The following GRIK3 variants were observed in gnomAD, a reference collection of about 807,000 sequenced individuals.
GRIK3 encodes glutamate receptor ionotropic, kainate 3.
A neutral mutation model predicts 102.5 loss-of-function variants in GRIK3; 29 were observed. The observed-to-expected ratio is 0.28, with a 90% CI of 0.21 to 0.39. The LOEUF (loss-of-function observed/expected upper bound fraction) is 0.39, where lower values mean the gene tolerates loss of function less well. GRIK3 is among the 10% of genes least tolerant of loss of function. The pLI is 1.00. For synonymous variants in GRIK3, 511 were observed against 504.9 expected, an observed-to-expected ratio of 1.01 and a Z score of -0.16; for missense variants, 908 against 1,252.4, an observed-to-expected ratio of 0.73 and a Z score of 4.15.
intron 7 of GRIK3, among the ~76,000 whole-genome samples, chr1:36,854,735 T>C (rs1313192246): frequency 6.6e-6 from 1 of 152,206 alleles, no homozygotes; most frequent in African/African-American, 2.4e-5. Flanking sequence ...CTAACTTGAT[T>C]CTAGATAACA....
At chr1:36,887,146 T>A (rs1349503556) in intron 2 of GRIK3, among the ~76,000 whole-genome samples, 1 of 151,994 alleles carries the variant, frequency 6.6e-6, no homozygotes, top group Admixed American at 6.6e-5. Context: ...ATAGAAAAAA[T>A]AAGCCCAAAC....
At chr1:37,028,103 A>T (rs1458928039) in intron 1 of GRIK3, among the ~76,000 whole-genome samples, 1 of 152,218 alleles carries the variant, frequency 6.6e-6, no homozygotes, top group Non-Finnish European at 1.5e-5. Flanking sequence ...AACAGGACTA[A>T]GGAAGGAAAA....
At chr1:36,988,430 C>T (rs143312933) in intron 1 of GRIK3, among the ~76,000 whole-genome samples, 2 of 152,264 alleles carry the variant, frequency 1.3e-5, no homozygotes, top group Non-Finnish European at 2.9e-5. Context: ...CAGGAAGAAG[C>T]ATCTGCAGGC....
intron 13 of GRIK3, among the ~76,000 whole-genome samples, chr1:36,813,464 C>T (rs1309258145): frequency 3.3e-5 from 5 of 152,318 alleles, no homozygotes; most frequent in South Asian, 2.1e-4. Context: ...GGAAGACCAC[C>T]TCTCTAGGAG....
rs781178008 is a variant in GRIK3, at chr1:36,825,775, C to T, written c.1582G>A (p.Ala528Thr). 2.5e-6 allele frequency: 4 copies of T among 1,613,730 alleles called. No individual in the cohort carries two copies. In the South Asian group the frequency reaches 4.4e-5, roughly 18 times the overall value. ...ATGAAGGGCTTGGAGAAGTCGATGG[C>T]CTTCTCTCGAACATGGGTGATGGTC... The part of the protein sequence containing the change: ...PLTITHVREK[A>T]IDFSKPFMTL... Residue 528 changes from alanine to threonine, a missense_variant, in exon 11 of 16, where the codon GCC (alanine) becomes ACC (threonine). Transcript: ENST00000373091.
intron 1 of GRIK3, among the ~76,000 whole-genome samples, chr1:36,956,452 A>T (rs2124340175): frequency 6.6e-6 from 1 of 152,312 alleles, no homozygotes; most frequent in South Asian, 2.1e-4. Flanking sequence ...CCGCATGCCC[A>T]CCGGAGAGGG....
At chr1:36,991,421 A>G (rs1557454833) in intron 1 of GRIK3, among the ~76,000 whole-genome samples, 1 of 152,222 alleles carries the variant, frequency 6.6e-6, no homozygotes, top group Non-Finnish European at 1.5e-5. Context: ...ACCACAGAGT[A>G]GGCCAACAGC....
At chr1:36,922,195 A>G (rs1641480482) in intron 1 of GRIK3, among the ~76,000 whole-genome samples, 2 of 152,328 alleles carry the variant, frequency 1.3e-5, no homozygotes, top group South Asian at 2.1e-4. Flanking sequence ...GTGGGTGGAC[A>G]TCAGTCCCAG....
intron 9 of GRIK3, among the ~76,000 whole-genome samples, chr1:36,845,939 C>A (rs1414578283): frequency 6.6e-6 from 1 of 152,182 alleles, no homozygotes; most frequent in Non-Finnish European, 1.5e-5. Flanking sequence ...GTGCACACGG[C>A]ACAAATGCAC....
intron 4 of GRIK3, 115 bp from the exon 5 acceptor site, chr1:36,869,916 G>A (rs1640824305): frequency 2.7e-6 from 2 of 737,512 alleles, no homozygotes; most frequent in Non-Finnish European, 4.9e-6. Flanking sequence ...CTGGCTGCTT[G>A]GAGTAAGGTG....
chr1:37,010,751 T>TTG (rs1642586598), intron 1 of GRIK3, among the ~76,000 whole-genome samples: 2 of 114,646 alleles, frequency 1.7e-5, no homozygotes, highest in Non-Finnish European at 3.5e-5. Flanking sequence ...TTTTTTTTTT[T>TTG]TGAGATGGAG....
chr1:36,892,033 T>C (rs1641122836), intron 1 of GRIK3, among the ~76,000 whole-genome samples: 1 of 152,212 alleles, frequency 6.6e-6, no homozygotes, highest in Non-Finnish European at 1.5e-5. Flanking sequence ...TATTTATTCA[T>C]TTGAGATGGA....
intron 1 of GRIK3, among the ~76,000 whole-genome samples, chr1:36,968,500 A>G (rs963380644): frequency 1.3e-5 from 2 of 152,092 alleles, no homozygotes; most frequent in Non-Finnish European, 2.9e-5. Context: ...GGAATGTTTT[A>G]ACCTCTTTCC....
rs145311608 is a variant in GRIK3, at chr1:36,983,969, G to T, written c.115+50025C>A. On this transcript the variant is annotated intron_variant, in intron 1 of 15. Coordinates refer to ENST00000373091, the MANE Select transcript of GRIK3 (RefSeq NM_000831.4). ...GGATGCCGCCCATAGTACCCAGCAG[G>T]GTGACTTTGACACAGAGCAGCACCC... Among the ~76,000 whole-genome samples the T allele has an allele frequency of 2.9e-3, 445 of 152,204 alleles. 10 individuals carry two copies. The East Asian group carries it at 0.037, about 13-fold the overall frequency.
intron 3 of GRIK3, among the ~76,000 whole-genome samples, chr1:36,878,163 G>T (rs988133010): frequency 6.6e-6 from 1 of 152,226 alleles, no homozygotes; most frequent in Non-Finnish European, 1.5e-5. Flanking sequence ...GACACTGAAA[G>T]CTCCTGGCCT....
intron 1 of GRIK3, among the ~76,000 whole-genome samples, chr1:36,917,414 G>A (rs557002386): frequency 6.6e-6 from 1 of 152,304 alleles, no homozygotes; most frequent in East Asian, 1.9e-4. Context: ...TGAAATGTGA[G>A]GACATGAGAT....
chr1:36,914,932 T>A (rs1356789676), intron 1 of GRIK3, among the ~76,000 whole-genome samples: 3 of 152,238 alleles, frequency 2.0e-5, no homozygotes, highest in Non-Finnish European at 2.9e-5. Context: ...ATCAGCCTGG[T>A]GCTTTGTGCC....
At chr1:37,016,581 T>C (rs1396060494) in intron 1 of GRIK3, among the ~76,000 whole-genome samples, 1 of 152,142 alleles carries the variant, frequency 6.6e-6, no homozygotes, top group East Asian at 1.9e-4. Context: ...TCCTAGTCTG[T>C]CTTTTGTTTA....
At chr1:36,946,483 C>T (rs961521419) in intron 1 of GRIK3, among the ~76,000 whole-genome samples, 8 of 152,322 alleles carry the variant, frequency 5.3e-5, no homozygotes, top group South Asian at 2.1e-4. Flanking sequence ...TATGGACACT[C>T]GGGCATGCCC....
Sources: allele counts gnomAD v4.1 joint callset (sites outside exome capture counted in the v4.1 genomes callset), GRCh38; gene constraint gnomAD v4.1.1; transcripts MANE v1.5; gene names NCBI Gene and HGNC (gene_info 2026-07-23, HGNC 2026-07-21).